The following LRIT3 variants were observed in gnomAD, a reference collection of about 807,000 sequenced individuals.
LRIT3 encodes leucine rich repeat, Ig-like and transmembrane domains 3.
In LRIT3, 14 loss-of-function variants were observed where a neutral mutation model predicts 22.6. The ratio of observed to expected loss-of-function variants is 0.62; its 90% CI spans 0.41 to 0.97. The LOEUF is 0.97. LRIT3 is among the 50% of genes least tolerant of loss of function. The pLI, the probability that LRIT3 is intolerant of heterozygous loss-of-function variation, is 0.00. For synonymous variants in LRIT3, 306 were observed against 304.5 expected (o/e 1.01, Z -0.05); for missense variants, 783 against 803.0 (o/e 0.98, Z 0.30).
chr4:109,862,570 G>T (rs938267840), intron 2 of LRIT3, among the ~76,000 whole-genome samples: 2 of 152,084 alleles, frequency 1.3e-5, no homozygotes, highest in African/African-American at 4.8e-5. Flanking sequence ...ATTTTTTAAA[G>T]AATTTTCTTT....
intron 1 of LRIT3, among the ~76,000 whole-genome samples, chr4:109,849,191 T>C (rs1323927199): frequency 6.6e-6 from 1 of 152,234 alleles, no homozygotes; most frequent in Non-Finnish European, 1.5e-5. Flanking sequence ...GTGAAAAGCT[T>C]ATCTTGTTAT....
chr4:109,866,783 T>C (rs1007368929), intron 2 of LRIT3, among the ~76,000 whole-genome samples: 1 of 152,212 alleles, frequency 6.6e-6, no homozygotes, highest in Non-Finnish European at 1.5e-5. Flanking sequence ...CCCTCACTGA[T>C]AGCCTTCCTG....
intron 2 of LRIT3, among the ~76,000 whole-genome samples, chr4:109,866,760 A>G (rs931314531): frequency 6.6e-6 from 1 of 152,086 alleles, no homozygotes; most frequent in Admixed American, 6.6e-5. Context: ...CATTTTCCTC[A>G]CTTTTCTTCA....
intron 2 of LRIT3, among the ~76,000 whole-genome samples, chr4:109,853,275 C>G (rs1429273727): frequency 6.6e-6 from 1 of 152,196 alleles, no homozygotes; most frequent in African/African-American, 2.4e-5. Flanking sequence ...GATCGCCATT[C>G]TAACTGGCAT....
rs1734270099 is a variant in LRIT3, at chr4:109,851,594, C to A, written c.207C>A (p.Ile69=). The change falls in exon 2 of 4, where the codon ATC becomes ATA. Residue 69 remains isoleucine, a synonymous_variant. Coordinates refer to ENST00000594814, the MANE Select transcript of LRIT3 (RefSeq NM_198506.5). ...AGCTTCGCATAGAGAAGACTGTCAT[C>A]CGCAGAATCTCTGCGGAGGCCTTCT... The part of the protein sequence containing the change: ...TVKLRIEKTV[I]RRISAEAFYY... 6.4e-7 allele frequency: 1 copy of A among 1,551,770 alleles called. No homozygotes were observed. Among genetic ancestry groups the A allele is most frequent in the African/African-American group, 1.4e-5 (1 of 73,050 alleles).
Position 109,870,494 on chromosome 4 carries a change from C to T in LRIT3, c.1745C>T (p.Ser582Phe). 1 of 1,614,056 alleles carries T rather than the reference C, an allele frequency of 6.2e-7. No homozygotes were observed. The highest frequency in any genetic ancestry group is 8.5e-7 in the Non-Finnish European group (1 of 1,179,918). The change falls in exon 4 of 4, where the codon TCT becomes TTT. Residue 582 changes from serine to phenylalanine, a missense_variant. Physicochemically the swap from Ser to Phe is radical, Grantham distance 155 (BLOSUM62 -2). Transcript: ENST00000594814. ...GTTGAAGGAGATGATTCTCAATGGT[C>T]TCTCCTTCTCGTGGTGACCAGTACT... ...ERVEGDDSQW[S>F]LLLVVTSTAC...
intron 1 of LRIT3, among the ~76,000 whole-genome samples, chr4:109,848,663 G>C (rs1478834857): frequency 6.6e-6 from 1 of 152,216 alleles, no homozygotes; most frequent in African/African-American, 2.4e-5. Flanking sequence ...AAGGCTAAGA[G>C]GGCAGGCTGA....
intron 2 of LRIT3, among the ~76,000 whole-genome samples, chr4:109,865,590 G>C (rs757931984): frequency 6.6e-6 from 1 of 152,138 alleles, no homozygotes; most frequent in Non-Finnish European, 1.5e-5. Context: ...AATATGTTTT[G>C]TGTGAATGAA....
chr4:109,852,158 G>A (rs1041541410), intron 2 of LRIT3, among the ~76,000 whole-genome samples, 182 bp downstream of exon 2: 6 of 152,138 alleles, frequency 3.9e-5, no homozygotes, highest in African/African-American at 1.4e-4. Flanking sequence ...AGGTGTAAGA[G>A]CTGTGTGTGT....
In LRIT3 at chr4:109,870,239, A is replaced by T; in HGVS notation, c.1490A>T (p.Lys497Ile). The part of the protein sequence containing the change: ...IENLRVVSET[K>I]ESVTLTWNMI... ...AACCTCAGGGTGGTCAGTGAGACTA[A>T]AGAGAGTGTGACATTGACGTGGAAT... The change falls in exon 4 of 4, where the codon AAA becomes ATA. Residue 497 changes from lysine to isoleucine, a missense_variant. This residue lies in a region of LRIT3 where 756 missense variants were observed against 753.8 expected (regional missense o/e 1.00). Coordinates refer to ENST00000594814, the MANE Select transcript of LRIT3 (RefSeq NM_198506.5). 2 of 1,614,212 alleles carry T rather than the reference A, an allele frequency of 1.2e-6. No individual in the cohort carries two copies. The highest frequency in any genetic ancestry group is 2.2e-5 in the South Asian group (2 of 91,088).
At chr4:109,859,601 C>T (rs1409274171) in intron 2 of LRIT3, among the ~76,000 whole-genome samples, 1 of 152,132 alleles carries the variant, frequency 6.6e-6, no homozygotes, top group Non-Finnish European at 1.5e-5. Context: ...CTAGAAGAGC[C>T]ATGGCAAGAT....
chr4:109,870,048 T>G lies in LRIT3; in HGVS notation c.1299T>G (p.Ser433Arg), dbSNP rs751268444. 2.5e-6 allele frequency: 4 copies of G among 1,614,070 alleles called. No homozygotes were observed. In the African/African-American group the frequency reaches 5.3e-5, roughly 22 times the overall value. ...CTCTGAGCACAAGCATCTCAGCAAG[T>G]ACCACCATGGCCAACAAGCGATCAT... ...TTTLSTSISA[S>R]TTMANKRSFQ... The change falls in exon 4 of 4, where the codon AGT becomes AGG. Residue 433 changes from serine (S) to arginine (R), a missense_variant. This residue lies in a region of LRIT3 where 756 missense variants were observed against 753.8 expected (regional missense o/e 1.00). Coordinates refer to ENST00000594814, the MANE Select transcript of LRIT3 (RefSeq NM_198506.5).
intron 2 of LRIT3, among the ~76,000 whole-genome samples, chr4:109,857,328 G>C (rs866133922): frequency 6.9e-6 from 1 of 144,974 alleles, no homozygotes; most frequent in South Asian, 2.3e-4. Flanking sequence ...CAACAGGGGG[G>C]TATAAGTCCT....
At chr4:109,856,808 A>T (rs1734416556) in intron 2 of LRIT3, among the ~76,000 whole-genome samples, 1 of 152,186 alleles carries the variant, frequency 6.6e-6, no homozygotes, top group Non-Finnish European at 1.5e-5. Context: ...TTCCACATTC[A>T]AATAGAATTT....
chr4:109,856,419 A>G (rs551012909), intron 2 of LRIT3, among the ~76,000 whole-genome samples: 1 of 152,322 alleles, frequency 6.6e-6, no homozygotes, highest in East Asian at 1.9e-4. Context: ...GAACAAAATT[A>G]CCGATAGTGG....
chr4:109,858,237 A>C (rs193302747), intron 2 of LRIT3, among the ~76,000 whole-genome samples: 15 of 152,154 alleles, frequency 9.9e-5, no homozygotes, highest in African/African-American at 3.6e-4. Context: ...AGTTTTTAAC[A>C]GTCTATAGAG....
chr4:109,862,620 TA>T (rs763128042), intron 2 of LRIT3, among the ~76,000 whole-genome samples: 10 of 152,240 alleles, frequency 6.6e-5, no homozygotes, highest in Non-Finnish European at 1.3e-4. Context: ...AAGCATGAAA[TA>T]AATTGTTAAC....
chr4:109,856,894 G>A (rs991932226), intron 2 of LRIT3, among the ~76,000 whole-genome samples: 7 of 152,044 alleles, frequency 4.6e-5, no homozygotes, highest in African/African-American at 4.8e-5. Context: ...AGCAGTCACC[G>A]TAACAGCAAT....
At chr4:109,863,723 C>G (rs906374171) in intron 2 of LRIT3, among the ~76,000 whole-genome samples, 8 of 152,184 alleles carry the variant, frequency 5.3e-5, no homozygotes, top group African/African-American at 1.9e-4. Context: ...AGTCTTGTGT[C>G]TTCTACCAAC....
Sources: allele counts gnomAD v4.1 joint callset (sites outside exome capture counted in the v4.1 genomes callset), GRCh38; gene constraint gnomAD v4.1.1; regional missense constraint gnomAD v4.1.1; transcripts MANE v1.5; gene names NCBI Gene and HGNC (gene_info 2026-07-23, HGNC 2026-07-21).